Variants in EEFSEC observed in about 807,000 individuals in gnomAD.
EEFSEC encodes the protein eukaryotic elongation factor, selenocysteine-tRNA specific, also known as selenocysteine-specific elongation factor.
A neutral mutation model predicts 42.1 loss-of-function variants in EEFSEC; 43 were observed. The observed-to-expected ratio is 1.02, with a 90% confidence interval of 0.80 to 1.32. The LOEUF (loss-of-function observed/expected upper bound fraction) is 1.32, where lower values mean the gene tolerates loss of function less well. Ranked by LOEUF, EEFSEC falls within the 40% of genes most tolerant of loss-of-function variation. The pLI is 0.00. For missense variants in EEFSEC, 745 were observed against 803.6 expected (o/e 0.93, Z 0.88); for synonymous variants, 354 against 339.1 (o/e 1.04, Z -0.48).
chr3:128,344,734 C>A (rs1185371322), intron 5 of EEFSEC, among the ~76,000 whole-genome samples: 1 of 152,230 alleles, frequency 6.6e-6, no homozygotes, highest in Non-Finnish European at 1.5e-5. Flanking sequence ...AGAGTAGGCT[C>A]AAGCCCTTGC....
At chr3:128,211,044 G>C (rs2065750470) in intron 1 of EEFSEC, among the ~76,000 whole-genome samples, 2 of 152,210 alleles carry the variant, frequency 1.3e-5, no homozygotes, top group African/African-American at 4.8e-5. Flanking sequence ...TTTAAGCCTG[G>C]ACAGTGGCAT....
chr3:128,223,712 C>T (rs577230044), intron 1 of EEFSEC, among the ~76,000 whole-genome samples: 2 of 152,274 alleles, frequency 1.3e-5, no homozygotes, highest in African/African-American at 4.8e-5. Flanking sequence ...TGATTGTCTT[C>T]GTAAAGTGCC....
chr3:128,172,834 CCGCCT>C (rs2065312575), intron 1 of EEFSEC, among the ~76,000 whole-genome samples: 1 of 152,230 alleles, frequency 6.6e-6, no homozygotes, highest in Non-Finnish European at 1.5e-5. Flanking sequence ...TGCCATGCTG[CCGCCT>C]CGATCCTCTG....
intron 4 of EEFSEC, among the ~76,000 whole-genome samples, chr3:128,299,832 T>C (rs1395183169): frequency 2.0e-5 from 3 of 152,240 alleles, no homozygotes; most frequent in East Asian, 3.8e-4. Flanking sequence ...GTTGCTTTCA[T>C]AGAGTTACTG....
chr3:128,357,252 G>C (rs929264539), intron 5 of EEFSEC, among the ~76,000 whole-genome samples: 1 of 152,398 alleles, frequency 6.6e-6, no homozygotes, highest in South Asian at 2.1e-4. Flanking sequence ...AGAAGGGAGG[G>C]AGTGACACTT....
intron 1 of EEFSEC, among the ~76,000 whole-genome samples, chr3:128,203,114 TA>T (rs2065659013): frequency 6.6e-6 from 1 of 152,210 alleles, no homozygotes; most frequent in Non-Finnish European, 1.5e-5. Context: ...AATCAGTTGG[TA>T]GAATACAGAT....
At chr3:128,187,946 G>T (rs1307284271) in intron 1 of EEFSEC, among the ~76,000 whole-genome samples, 1 of 152,232 alleles carries the variant, frequency 6.6e-6, no homozygotes, top group Non-Finnish European at 1.5e-5. Context: ...TGTGTGATTG[G>T]TCACAAGTGT....
chr3:128,405,032 T>TC (rs1464635349), intron 6 of EEFSEC, among the ~76,000 whole-genome samples: 1 of 151,778 alleles, frequency 6.6e-6, no homozygotes, highest in African/African-American at 2.4e-5. Context: ...TTTTTTTTTT[T>TC]TTAAGACTGA....
At chr3:128,251,949 T>C (rs2066191502) in intron 2 of EEFSEC, among the ~76,000 whole-genome samples, 1 of 152,264 alleles carries the variant, frequency 6.6e-6, no homozygotes, top group Non-Finnish European at 1.5e-5. Context: ...TAAAGTGTTT[T>C]TCCCCCAGGA....
At chr3:128,268,050 T>A (rs116632107) in intron 4 of EEFSEC, among the ~76,000 whole-genome samples, 5 of 152,196 alleles carry the variant, frequency 3.3e-5, no homozygotes, top group Non-Finnish European at 5.9e-5. Context: ...AAAGGAAGAA[T>A]GACTCTGAGA....
intron 1 of EEFSEC, among the ~76,000 whole-genome samples, chr3:128,239,328 T>C (rs1181524043): frequency 6.6e-6 from 1 of 152,228 alleles, no homozygotes; most frequent in Non-Finnish European, 1.5e-5. Flanking sequence ...GCTCTTACTG[T>C]GCTGGCATAG....
intron 4 of EEFSEC, among the ~76,000 whole-genome samples, chr3:128,278,887 C>G (rs1389625737): frequency 6.6e-6 from 1 of 152,206 alleles, no homozygotes; most frequent in African/African-American, 2.4e-5. Context: ...CCCCTGCCCA[C>G]CCCCTTGCAG....
At chr3:128,263,229 C>T (rs904189913) in intron 3 of EEFSEC, among the ~76,000 whole-genome samples, 1 of 152,184 alleles carries the variant, frequency 6.6e-6, no homozygotes, top group Non-Finnish European at 1.5e-5. Flanking sequence ...CATATACCAA[C>T]GAAGAGTCTG....
intron 6 of EEFSEC, among the ~76,000 whole-genome samples, chr3:128,389,245 C>T (rs2067879310): frequency 6.6e-6 from 1 of 152,232 alleles, no homozygotes; most frequent in Admixed American, 6.5e-5. Context: ...GACATCACAG[C>T]CCTGCAGAGG....
intron 1 of EEFSEC, among the ~76,000 whole-genome samples, chr3:128,238,098 G>A (rs1016427512): frequency 3.3e-5 from 5 of 152,178 alleles, no homozygotes; most frequent in East Asian, 1.9e-4. Context: ...TATGGAAATG[G>A]GAGGTCTCCT....
intron 6 of EEFSEC, among the ~76,000 whole-genome samples, chr3:128,389,942 G>T (rs181268394): frequency 1.3e-5 from 2 of 152,334 alleles, no homozygotes; most frequent in Admixed American, 1.3e-4. Context: ...GGTTGCAGGG[G>T]TGGCTGAGTT....
At chr3:128,212,398 G>A (rs1447724561) in intron 1 of EEFSEC, among the ~76,000 whole-genome samples, 1 of 152,160 alleles carries the variant, frequency 6.6e-6, no homozygotes, top group East Asian at 1.9e-4. Flanking sequence ...TGGCCTGTAA[G>A]CCTCTGGGCC....
chr3:128,301,053 T>G (rs760757427), intron 4 of EEFSEC, among the ~76,000 whole-genome samples: 2 of 152,140 alleles, frequency 1.3e-5, no homozygotes, highest in African/African-American at 2.4e-5. Flanking sequence ...TCAAACAAGC[T>G]CCATCGATGG....
chr3:128,306,986 C>A (rs1310827965), intron 4 of EEFSEC, among the ~76,000 whole-genome samples: 1 of 152,246 alleles, frequency 6.6e-6, no homozygotes, highest in Non-Finnish European at 1.5e-5. Context: ...TTGTAGCAAG[C>A]AGGGTAACCT....
Sources: allele counts gnomAD v4.1 joint callset (sites outside exome capture counted in the v4.1 genomes callset), GRCh38; gene constraint gnomAD v4.1.1; transcripts MANE v1.5; gene names NCBI Gene and HGNC (gene_info 2026-07-23, HGNC 2026-07-21).